FAT3: variants seen among roughly 807,000 people sequenced by gnomAD.
The protein encoded by FAT3 is FAT atypical cadherin 3.
FAT3 carries 95 observed loss-of-function variants against 310.2 expected under a neutral mutation model. The observed-to-expected ratio is 0.31, with a 90% CI of 0.26 to 0.36. The LOEUF (loss-of-function observed/expected upper bound fraction) is 0.36. FAT3 is among the 10% of genes least tolerant of loss of function. The probability of loss-of-function intolerance (pLI) is 1.00; values close to 1 mark genes in which losing one functional copy is unlikely to be tolerated. For missense variants in FAT3, 5,408 were observed against 5,715.6 expected, an observed-to-expected ratio of 0.95 and a Z score of 1.74; for synonymous variants, 2,314 against 2,192.9, an observed-to-expected ratio of 1.06 and a Z score of -1.54.
intron 3 of FAT3, among the ~76,000 whole-genome samples, chr11:92,536,649 T>C (rs1954269814): frequency 6.6e-6 from 1 of 152,236 alleles, no homozygotes; most frequent in Non-Finnish European, 1.5e-5. Flanking sequence ...CCACATTGTA[T>C]GATTAAGGCC....
At chr11:92,822,895 T>C (rs978429864) in intron 13 of FAT3, among the ~76,000 whole-genome samples, 2 of 152,212 alleles carry the variant, frequency 1.3e-5, no homozygotes, top group South Asian at 4.1e-4. Flanking sequence ...ATTGTTAACT[T>C]CACACATGTT....
intron 1 of FAT3, among the ~76,000 whole-genome samples, chr11:92,303,915 G>T (rs1474023563): frequency 6.6e-6 from 1 of 152,086 alleles, no homozygotes; most frequent in African/African-American, 2.4e-5. Context: ...AGTAATAAGT[G>T]CAGAACCTTT....
At chr11:92,551,954 T>C (rs992733872) in intron 3 of FAT3, among the ~76,000 whole-genome samples, 4 of 152,232 alleles carry the variant, frequency 2.6e-5, no homozygotes, top group African/African-American at 9.6e-5. Context: ...TCAGATAAAT[T>C]AATTTGACTG....
chr11:92,235,365 C>G (rs1373436421), intron 1 of FAT3, among the ~76,000 whole-genome samples: 4 of 152,086 alleles, frequency 2.6e-5, no homozygotes, highest in Non-Finnish European at 5.9e-5. Context: ...TATATGGTCT[C>G]TTCATATCTC....
intron 2 of FAT3, among the ~76,000 whole-genome samples, chr11:92,393,256 A>ATGCACACACACTCATGTGTGTC (rs1170477949): frequency 1.3e-5 from 2 of 152,000 alleles, no homozygotes; most frequent in Admixed American, 1.3e-4. Context: ...GAGTGTGTGT[A>ATGCACACACACTCATGTGTGTC]TGCACACACA....
intron 3 of FAT3, among the ~76,000 whole-genome samples, chr11:92,622,536 C>T (rs1261889870): frequency 6.6e-6 from 1 of 152,100 alleles, no homozygotes; most frequent in Non-Finnish European, 1.5e-5. Context: ...TTGCTGCTTC[C>T]TCAGCCTTGA....
In FAT3 at chr11:92,752,130, T is replaced by G. The variant is rs139277039; in HGVS notation, c.3670-9726T>G. On this transcript the variant is annotated intron_variant, in intron 4 of 27. Transcript: ENST00000525166. ...CTTTGTGGGCCATACAGTCTCAGCCTCAACTACTCAACCATGCCTTTGTAG... is the reference window on the plus strand; with the variant it reads ...CTTTGTGGGCCATACAGTCTCAGCCGCAACTACTCAACCATGCCTTTGTAG... Among the ~76,000 whole-genome samples, 1,236 of 152,342 alleles carry G rather than the reference T, an allele frequency of 8.1e-3. 29 individuals are homozygous for G. The highest frequency in any genetic ancestry group is 0.028 in the African/African-American group (1,174 of 41,576).
chr11:92,587,326 C>T (rs551941183), intron 3 of FAT3, among the ~76,000 whole-genome samples: 87 of 151,902 alleles, frequency 5.7e-4, no homozygotes, highest in Non-Finnish European at 9.7e-4. Context: ...CTAAAATATC[C>T]ACTGTTGGAC....
intron 2 of FAT3, among the ~76,000 whole-genome samples, chr11:92,437,911 TGACAGA>T (rs1950978150): frequency 6.7e-6 from 1 of 149,748 alleles, no homozygotes; most frequent in Non-Finnish European, 1.5e-5. Context: ...AGAGACACAG[TGACAGA>T]GACAGAGACA....
chr11:92,771,522 A>G (rs2136109912), intron 6 of FAT3, among the ~76,000 whole-genome samples: 1 of 152,286 alleles, frequency 6.6e-6, no homozygotes, highest in Admixed American at 6.5e-5. Flanking sequence ...TTTGTTTTAC[A>G]TTAAATCTTA....
At chr11:92,340,837 G>A (rs1229342716) in intron 1 of FAT3, among the ~76,000 whole-genome samples, 1 of 152,152 alleles carries the variant, frequency 6.6e-6, no homozygotes, top group Non-Finnish European at 1.5e-5. Flanking sequence ...CTTTAATGGG[G>A]ACTATGGGAG....
At chr11:92,320,876 A>AT (rs1466599493) in intron 1 of FAT3, among the ~76,000 whole-genome samples, 5 of 133,812 alleles carry the variant, frequency 3.7e-5, no homozygotes, top group African/African-American at 1.7e-4. Context: ...TCTCAAAAAA[A>AT]AAAAGGGGGG....
intron 1 of FAT3, among the ~76,000 whole-genome samples, chr11:92,276,302 T>C (rs1946269343): frequency 6.6e-6 from 1 of 152,078 alleles, no homozygotes; most frequent in South Asian, 2.1e-4. Context: ...TGAAAATTAG[T>C]TTTAAGCAGA....
In FAT3 at chr11:92,274,610, G is replaced by A. The variant is rs1164775164; in HGVS notation, c.-18+49436G>A. 3.3e-5 allele frequency among the ~76,000 whole-genome samples: 5 copies of A among 151,998 alleles called. No homozygotes were observed. In the East Asian group the frequency reaches 9.6e-4, roughly 29 times the overall value. ...ACCTCTTCTAGAAAACATCTTGGCC[G>A]AGAGTGTACAGATATTTTTAAACCT... On this transcript the variant is annotated intron_variant, in intron 1 of 27. Coordinates refer to ENST00000525166, the MANE Select transcript of FAT3 (RefSeq NM_001367949.2).
chr11:92,870,982 C>T (rs976879029), intron 22 of FAT3, among the ~76,000 whole-genome samples: 3 of 152,128 alleles, frequency 2.0e-5, no homozygotes, highest in African/African-American at 7.2e-5. Context: ...GGGGCTAAGT[C>T]GGTAGCCTAG....
At chr11:92,575,755 G>T (rs1938447917) in intron 3 of FAT3, among the ~76,000 whole-genome samples, 1 of 152,012 alleles carries the variant, frequency 6.6e-6, no homozygotes, top group Non-Finnish European at 1.5e-5. Context: ...CCCTGAGAGG[G>T]GGTCTTTTTT....
intron 1 of FAT3, among the ~76,000 whole-genome samples, chr11:92,349,766 G>A (rs1003754498): frequency 3.9e-5 from 6 of 152,140 alleles, no homozygotes; most frequent in African/African-American, 1.4e-4. Flanking sequence ...TTCCTTTATA[G>A]ACGCTTACTC....
At chr11:92,754,080 A>G (rs183964714) in intron 4 of FAT3, among the ~76,000 whole-genome samples, 20 of 152,132 alleles carry the variant, frequency 1.3e-4, no homozygotes, top group African/African-American at 4.1e-4. Flanking sequence ...AGTCACCACT[A>G]AAGAACTTAA....
At chr11:92,397,916 C>G (rs1322001347) in intron 2 of FAT3, among the ~76,000 whole-genome samples, 1 of 152,078 alleles carries the variant, frequency 6.6e-6, no homozygotes, top group Non-Finnish European at 1.5e-5. Flanking sequence ...ATAATACACA[C>G]AAATACACAC....
Sources: gnomAD v4.1 joint callset for allele counts (sites outside exome capture counted in the v4.1 genomes callset) on GRCh38, gnomAD v4.1.1 for gene constraint, MANE v1.5 for transcripts, NCBI Gene and HGNC (gene_info 2026-07-23, HGNC 2026-07-21) for gene names.